Variants in NTM observed in about 807,000 individuals in gnomAD.
The protein encoded by NTM is IgLON family member 2.
Under a neutral mutation model 42.1 loss-of-function variants are expected in NTM, and 13 were observed. That is an observed-to-expected ratio of 0.31 (90% CI 0.20 to 0.49). NTM has a LOEUF of 0.49. Ranked by LOEUF, NTM falls within the 20% of genes least tolerant of loss-of-function variation. The pLI is 0.99. For missense variants in NTM, 373 were observed against 452.8 expected (o/e 0.82, Z 1.60); for synonymous variants, 187 against 179.2 (o/e 1.04, Z -0.35).
intron 1 of NTM, among the ~76,000 whole-genome samples, chr11:131,372,793 A>AT (rs10694098): frequency 0.27 from 40,437 of 150,780 alleles, 5,745 homozygotes; most frequent in East Asian, 0.55. Flanking sequence ...AGCATACGTG[A>AT]TTTTTTTTTT....
intron 1 of NTM, among the ~76,000 whole-genome samples, chr11:131,500,734 C>T (rs1156779530): frequency 1.1e-5 from 1 of 87,804 alleles, no homozygotes; most frequent in Non-Finnish European, 2.0e-5. Flanking sequence ...TCCCTCCCCC[C>T]TCCCCCCACC....
intron 4 of NTM, among the ~76,000 whole-genome samples, chr11:132,237,973 T>C (rs547927358): frequency 2.4e-4 from 37 of 152,278 alleles, no homozygotes; most frequent in African/African-American, 8.7e-4. Context: ...CACCGGAATA[T>C]TACCCATTTA....
chr11:131,843,007 C>T (rs1246644888), intron 1 of NTM, among the ~76,000 whole-genome samples: 1 of 151,462 alleles, frequency 6.6e-6, no homozygotes, highest in Non-Finnish European at 1.5e-5. Flanking sequence ...AAGACTTTGT[C>T]TCAAAAAATA....
In NTM at chr11:131,682,229, C is replaced by G. The variant is rs78226905; in HGVS notation, c.83-229335C>G. ...TCTGTGAGCTACTGATGGAGGCAGC[C>G]CTGCTGGCATGCTGTATAGCTGAGG... On this transcript the variant is annotated intron_variant, in intron 1 of 8. Transcript: ENST00000683400. Among the ~76,000 whole-genome samples the G allele has an allele frequency of 9.8e-3, 1,489 of 152,258 alleles. 29 individuals are homozygous for G. Among genetic ancestry groups the G allele is most frequent in the African/African-American group, 0.033 (1,390 of 41,524 alleles).
intron 1 of NTM, among the ~76,000 whole-genome samples, chr11:131,416,824 G>A (rs1947008431): frequency 6.6e-6 from 1 of 152,130 alleles, no homozygotes; most frequent in African/African-American, 2.4e-5. Flanking sequence ...TTGGAAGATT[G>A]GGAGGAATGT....
intron 1 of NTM, among the ~76,000 whole-genome samples, chr11:131,380,341 G>T (rs1474139179): frequency 6.6e-6 from 1 of 151,666 alleles, no homozygotes; most frequent in African/African-American, 2.4e-5. Flanking sequence ...CAAAGTAGCT[G>T]GGATTACAGG....
At chr11:131,669,257 T>G (rs139615176) in intron 1 of NTM, among the ~76,000 whole-genome samples, 12 of 151,868 alleles carry the variant, frequency 7.9e-5, no homozygotes, top group Non-Finnish European at 1.3e-4. Context: ...GGGTCAGAGA[T>G]CAAAACCATG....
rs1478804077 is a variant in NTM at position 132,275,476 on chromosome 11, CA to C, written c.527-32211del. Among the ~76,000 whole-genome samples the C allele has an allele frequency of 1.5e-4, 22 of 151,718 alleles. No individual in the cohort carries two copies. In the East Asian group the frequency reaches 3.7e-3, roughly 25 times the overall value. ...ACTTAATGAGATAGTATGAATTCTC[CA>C]ATTTGATTTCTCTTTTTTTTCATTT... On this transcript the variant is annotated intron_variant, in intron 4 of 8. Coordinates refer to ENST00000683400, the MANE Select transcript of NTM (RefSeq NM_001352005.2).
intron 1 of NTM, among the ~76,000 whole-genome samples, chr11:131,669,139 G>A (rs959426119): frequency 3.3e-5 from 5 of 152,160 alleles, no homozygotes; most frequent in African/African-American, 4.8e-5. Flanking sequence ...TAGTCATCCA[G>A]ATCCAGATGA....
chr11:132,179,245 A>G (rs61905987), intron 3 of NTM, among the ~76,000 whole-genome samples: 5,247 of 152,238 alleles, frequency 0.034, 142 homozygotes, highest in African/African-American at 0.069. Flanking sequence ...ATGAGTCTAG[A>G]TTTAAAGGGC....
chr11:131,643,265 C>T (rs942969278), intron 1 of NTM, among the ~76,000 whole-genome samples: 2 of 152,202 alleles, frequency 1.3e-5, no homozygotes, highest in African/African-American at 2.4e-5. Flanking sequence ...ATTCTATCAA[C>T]AGGAGACTCC....
At chr11:131,840,299 G>GAGGACACAGAGC (rs2044068436) in intron 1 of NTM, among the ~76,000 whole-genome samples, 1 of 152,186 alleles carries the variant, frequency 6.6e-6, no homozygotes, top group African/African-American at 2.4e-5. Context: ...GTGAGCAAAT[G>GAGGACACAGAGC]AGGACACAGA....
intron 1 of NTM, among the ~76,000 whole-genome samples, chr11:131,788,631 C>G (rs894883648): frequency 1.3e-5 from 2 of 152,068 alleles, no homozygotes; most frequent in Admixed American, 6.6e-5. Context: ...TGACTTTCAC[C>G]CATCAAAATG....
chr11:131,790,541 C>T (rs2090782296), intron 1 of NTM, among the ~76,000 whole-genome samples: 4 of 152,284 alleles, frequency 2.6e-5, no homozygotes, highest in East Asian at 3.9e-4. Flanking sequence ...GGATGCATCC[C>T]ATGTATTCAG....
At chr11:131,837,358 C>G (rs903473380) in intron 1 of NTM, among the ~76,000 whole-genome samples, 2 of 152,152 alleles carry the variant, frequency 1.3e-5, no homozygotes, top group Non-Finnish European at 2.9e-5. Context: ...TTGTGAAAAT[C>G]CTAAACCACT....
rs111771998 is a variant in NTM at position 132,027,685 on chromosome 11, A to G, written c.167+116037A>G. The stretch of plus-strand genomic sequence containing the variant: ...AGTTTCTCAAGTTTGCCTGTCTTTG[A>G]TTTTCTGCAGTTTGAATAAGATATG... On this transcript the variant is annotated intron_variant, in intron 2 of 8. Transcript: ENST00000683400. Among the ~76,000 whole-genome samples, 5 of 151,858 alleles carry G rather than the reference A, an allele frequency of 3.3e-5. 1 individual carries two copies. The highest frequency in any genetic ancestry group is 7.2e-5 in the African/African-American group (3 of 41,400).
intron 3 of NTM, among the ~76,000 whole-genome samples, chr11:132,161,432 C>T (rs548112942): frequency 7.4e-6 from 1 of 135,648 alleles, no homozygotes; most frequent in South Asian, 2.6e-4. Flanking sequence ...TTCTGCCTGT[C>T]ACCGTTTTTC....
chr11:131,748,659 C>T (rs979803237), intron 1 of NTM, among the ~76,000 whole-genome samples: 7 of 152,216 alleles, frequency 4.6e-5, no homozygotes, highest in Admixed American at 3.9e-4. Flanking sequence ...AATCACACAT[C>T]GGTTCAAATG....
intron 2 of NTM, among the ~76,000 whole-genome samples, chr11:132,069,876 T>C (rs1460473577): frequency 4.1e-5 from 6 of 147,188 alleles, no homozygotes; most frequent in Non-Finnish European, 8.9e-5. Context: ...CACGTCACAC[T>C]GACCGTCACA....
Sources: allele counts gnomAD v4.1 joint callset (sites outside exome capture counted in the v4.1 genomes callset), GRCh38; gene constraint gnomAD v4.1.1; transcripts MANE v1.5; gene names NCBI Gene and HGNC (gene_info 2026-07-23, HGNC 2026-07-21).